Variants in TRDN observed in about 807,000 individuals in gnomAD.
The protein encoded by TRDN is triadin in skeletal muscle.
Under a neutral mutation model 149.7 loss-of-function variants are expected in TRDN, and 161 were observed. That is an observed-to-expected ratio of 1.08 (90% CI 0.95 to 1.23). TRDN has a LOEUF of 1.23. Ranked by LOEUF, TRDN falls within the 50% of genes most tolerant of loss-of-function variation. The pLI is 0.00. For missense variants in TRDN, 896 were observed against 823.5 expected, an observed-to-expected ratio of 1.09 and a Z score of -1.08; for synonymous variants, 294 against 250.5, an observed-to-expected ratio of 1.17 and a Z score of -1.64.
intron 30 of TRDN, 85 bp downstream of exon 30, chr6:123,271,054 T>TGA: frequency 1.4e-6 from 1 of 712,924 alleles, no homozygotes; most frequent in Non-Finnish European, 2.2e-6. Flanking sequence ...TGTGTGTGTG[T>TGA]GTGTGTGTGT....
intron 26 of TRDN, among the ~76,000 whole-genome samples, chr6:123,275,880 A>T (rs1470124799): frequency 6.6e-6 from 1 of 152,160 alleles, no homozygotes; most frequent in Non-Finnish European, 1.5e-5. Context: ...CAGACTGGGT[A>T]ATTTACATAG....
chr6:123,223,721 C>CTTCCTTCCTTCCTTCCTTCT (rs1775245962), intron 39 of TRDN, among the ~76,000 whole-genome samples: 2 of 144,862 alleles, frequency 1.4e-5, no homozygotes, highest in South Asian at 4.3e-4. Flanking sequence ...TCCTTCCTTC[C>CTTCCTTCCTTCCTTCCTTCT]TTCCTTCCTT....
intron 1 of TRDN, among the ~76,000 whole-genome samples, chr6:123,621,933 T>C (rs938481732): frequency 2.6e-5 from 4 of 152,172 alleles, no homozygotes; most frequent in African/African-American, 9.6e-5. Context: ...TATGTGGATA[T>C]CAACTCCATT....
chr6:123,363,044 C>T (rs2114346223), intron 20 of TRDN, among the ~76,000 whole-genome samples: 1 of 152,234 alleles, frequency 6.6e-6, no homozygotes, highest in Middle Eastern at 3.4e-3. Context: ...TAAATTGACA[C>T]ATTACAGTGA....
At chr6:123,544,791 A>T (rs1243385448) in intron 4 of TRDN, among the ~76,000 whole-genome samples, 1 of 152,038 alleles carries the variant, frequency 6.6e-6, no homozygotes, top group Non-Finnish European at 1.5e-5. Flanking sequence ...AAGAATATAA[A>T]GACACTAGGT....
At chr6:123,483,066 T>TTTATTA (rs71021451) in intron 9 of TRDN, among the ~76,000 whole-genome samples, 3,903 of 133,292 alleles carry the variant, frequency 0.029, 62 homozygotes, top group South Asian at 0.047. Context: ...TGATTTCTCA[T>TTTATTA]TTATTATTAT....
rs571866492 is a variant in TRDN, at chr6:123,448,662, GAAGACAA to G, written c.932-9666_932-9660del. Among the ~76,000 whole-genome samples the G allele has an allele frequency of 5.9e-3, 893 of 152,158 alleles. 3 individuals carry two copies. The highest frequency in any genetic ancestry group is 0.031 in the Middle Eastern group (9 of 292). On this transcript the variant is annotated intron_variant, in intron 10 of 40. Transcript: ENST00000334268. ...TCCTTCCCTACCCACCCAGGTAGCA[GAAGACAA>G]AAGGCCACGCCCACTACTGGTCCCT... is the stretch of plus-strand genomic sequence containing the variant.
At chr6:123,415,949 GTAT>G (rs1773632033) in intron 12 of TRDN, among the ~76,000 whole-genome samples, 1 of 152,156 alleles carries the variant, frequency 6.6e-6, no homozygotes, top group African/African-American at 2.4e-5. Flanking sequence ...AGGAGGATAA[GTAT>G]TATTGAAAGT....
chr6:123,423,278 A>G (rs904751016), intron 12 of TRDN, among the ~76,000 whole-genome samples: 1 of 152,166 alleles, frequency 6.6e-6, no homozygotes, highest in Non-Finnish European at 1.5e-5. Context: ...TTAGTTATAA[A>G]AATTTTGAAA....
At chr6:123,296,300 A>C (rs1778193678) in intron 24 of TRDN, among the ~76,000 whole-genome samples, 1 of 152,164 alleles carries the variant, frequency 6.6e-6, no homozygotes. Context: ...GTAGATATAC[A>C]TCTTAGCCAG....
At chr6:123,364,805 T>C (rs1781028283) in intron 20 of TRDN, among the ~76,000 whole-genome samples, 1 of 152,200 alleles carries the variant, frequency 6.6e-6, no homozygotes, top group Non-Finnish European at 1.5e-5. Flanking sequence ...TTAAGTCCAC[T>C]TACTGGGCCC....
intron 19 of TRDN, among the ~76,000 whole-genome samples, chr6:123,366,744 C>G (rs1318141778): frequency 6.6e-6 from 1 of 152,138 alleles, no homozygotes; most frequent in Non-Finnish European, 1.5e-5. Flanking sequence ...TCTTGAACTC[C>G]TGACCTCAGG....
rs1456702388 is a variant in TRDN at position 123,442,495 on chromosome 6, G to A, written c.932-3492C>T. 6.6e-5 allele frequency among the ~76,000 whole-genome samples: 7 copies of A among 106,656 alleles called. 1 individual carries two copies. Among genetic ancestry groups the A allele is most frequent in the South Asian group, 5.0e-4 (2 of 3,998 alleles). 70.0% of individuals were successfully genotyped at this position (106,656 alleles called of 152,430 possible). A position where few individuals can be genotyped will look rare whatever the true frequency, so the allele number is the denominator to read the frequency against. On this transcript the variant is annotated intron_variant, in intron 10 of 40. Coordinates refer to ENST00000334268, the MANE Select transcript of TRDN (RefSeq NM_006073.4). Reference sequence around the variant, plus strand: ...CTGGAGGCGGAGCTTGCAGTGAGCCGAGATTGCGCCACTGCACTCCCGCCT... The same window carrying A: ...CTGGAGGCGGAGCTTGCAGTGAGCCAAGATTGCGCCACTGCACTCCCGCCT...
intron 16 of TRDN, among the ~76,000 whole-genome samples, chr6:123,378,375 G>A (rs1237060902): frequency 1.3e-5 from 2 of 151,990 alleles, no homozygotes; most frequent in Non-Finnish European, 2.9e-5. Flanking sequence ...CACTTCCTGG[G>A]CTTAATTGAT....
chr6:123,282,530 A>G (rs1777620692), intron 24 of TRDN, among the ~76,000 whole-genome samples: 2 of 151,922 alleles, frequency 1.3e-5, no homozygotes, highest in Non-Finnish European at 2.9e-5. Flanking sequence ...ATTAAACTGT[A>G]TAACTACATC....
intron 21 of TRDN, among the ~76,000 whole-genome samples, chr6:123,343,144 T>A (rs1173484435): frequency 6.6e-6 from 1 of 152,058 alleles, no homozygotes; most frequent in Non-Finnish European, 1.5e-5. Context: ...ATTACGTATA[T>A]TTAAATCCAA....
chr6:123,565,902 A>G (rs1381989215), intron 2 of TRDN, among the ~76,000 whole-genome samples: 1 of 152,220 alleles, frequency 6.6e-6, no homozygotes, highest in Non-Finnish European at 1.5e-5. Context: ...TGTTCTTGTC[A>G]GTTTCAGTTT....
chr6:123,297,215 A>T (rs1439652640), intron 24 of TRDN, among the ~76,000 whole-genome samples: 1 of 152,022 alleles, frequency 6.6e-6, no homozygotes, highest in Non-Finnish European at 1.5e-5. Flanking sequence ...TTTAGTTGTT[A>T]TTCAAGCATC....
chr6:123,317,704 T>C (rs1453751771), intron 23 of TRDN, among the ~76,000 whole-genome samples: 1 of 152,012 alleles, frequency 6.6e-6, no homozygotes, highest in Non-Finnish European at 1.5e-5. Flanking sequence ...ACTCTTTAGA[T>C]TTTAAGCTCC....
Sources: gnomAD v4.1 joint callset for allele counts (sites outside exome capture counted in the v4.1 genomes callset) on GRCh38, gnomAD v4.1.1 for gene constraint, MANE v1.5 for transcripts, NCBI Gene and HGNC (gene_info 2026-07-23, HGNC 2026-07-21) for gene names.